The following ABCB7 variants were observed in gnomAD, a reference collection of about 807,000 sequenced individuals.
The protein encoded by ABCB7 is ATP binding cassette subfamily B member 7, also known as iron-sulfur clusters transporter ABCB7, mitochondrial.
In ABCB7, 7 loss-of-function variants were observed where a neutral mutation model predicts 54.4. That is an observed-to-expected ratio of 0.13 (90% CI 0.07 to 0.24). The LOEUF (loss-of-function observed/expected upper bound fraction) is 0.24, where lower values mean the gene tolerates loss of function less well. ABCB7 is among the 10% of genes least tolerant of loss of function. The pLI, the probability that ABCB7 is intolerant of heterozygous loss-of-function variation, is 1.00. For synonymous variants in ABCB7, 218 were observed against 207.1 expected, an observed-to-expected ratio of 1.05 and a Z score of -0.45; for missense variants, 356 against 570.4, an observed-to-expected ratio of 0.62 and a Z score of 3.83.
intron 9 of ABCB7, 33 bp from the exon 10 acceptor site, chrX:75,070,555 G>A: frequency 3.4e-6 from 4 of 1,177,887 alleles, no homozygotes; most frequent in Non-Finnish European, 4.6e-6. Context: ...GGGTATTTTA[G>A]ATAAATGTTA....
chrX:75,060,098 A>G, intron 15 of ABCB7, 125 bp downstream of exon 15: 1 of 567,199 alleles, frequency 1.8e-6, no homozygotes, highest in Non-Finnish European at 2.9e-6. Flanking sequence ...AAAAGGGGCT[A>G]AAAACAGAAT....
chrX:75,060,171 T>C (rs1226433427), intron 15 of ABCB7, 52 bp downstream of exon 15: 15 of 985,237 alleles, frequency 1.5e-5, no homozygotes, highest in Non-Finnish European at 2.0e-5. Flanking sequence ...CTTGTATCTA[T>C]AACAATTTCC....
chrX:75,088,854 A>G (rs2147489952), intron 4 of ABCB7, among the ~76,000 whole-genome samples: 1 of 109,641 alleles, frequency 9.1e-6, no homozygotes, highest in Non-Finnish European at 1.9e-5. Context: ...AACAAAAAAA[A>G]AAACACAACA....
intron 12 of ABCB7, among the ~76,000 whole-genome samples, chrX:75,068,207 A>G (rs2081337465): frequency 9.0e-6 from 1 of 110,820 alleles, no homozygotes; most frequent in Non-Finnish European, 1.9e-5. Context: ...CAAGCTACAT[A>G]TCCCCATCCA....
chrX:75,070,298 C>G, intron 10 of ABCB7, 67 bp downstream of exon 10: 2 of 1,057,404 alleles, frequency 1.9e-6, no homozygotes, highest in Non-Finnish European at 2.6e-6. Context: ...AGGAATATTC[C>G]TAGAATAATC....
intron 1 of ABCB7, among the ~76,000 whole-genome samples, chrX:75,124,471 A>T (rs1413726686): frequency 8.9e-6 from 1 of 112,210 alleles, no homozygotes; most frequent in Non-Finnish European, 1.9e-5. Context: ...ACACTGCTTC[A>T]TAAGTTTTAG....
At chrX:75,143,706 T>A (rs956311864) in intron 1 of ABCB7, among the ~76,000 whole-genome samples, 4 of 111,036 alleles carry the variant, frequency 3.6e-5, no homozygotes, top group Non-Finnish European at 5.7e-5. Flanking sequence ...GCAAGACACG[T>A]CTCACATTGA....
chrX:75,072,367 G>C lies in ABCB7; in HGVS notation c.1033-684C>G, dbSNP rs1178764751. Among the ~76,000 whole-genome samples the C allele has an allele frequency of 1.8e-4, 20 of 111,362 alleles. No individual in the cohort carries two copies. The Admixed American group carries it at 1.9e-3, about 11-fold the overall frequency. ...AGAAATGCATACTTTAGGTAATTTT[G>C]ACTGTGCAATCATCATAGAGTGTAC... is the stretch of plus-strand genomic sequence containing the variant. On this transcript the variant is annotated intron_variant, in intron 8 of 15. Coordinates refer to ENST00000373394, the MANE Select transcript of ABCB7 (RefSeq NM_001271696.3).
chrX:75,104,382 A>G (rs924717737), intron 3 of ABCB7, among the ~76,000 whole-genome samples: 1 of 109,478 alleles, frequency 9.1e-6, no homozygotes, highest in Non-Finnish European at 1.9e-5. Flanking sequence ...TACCACAGAA[A>G]TACAAAATAT....
intron 13 of ABCB7, among the ~76,000 whole-genome samples, chrX:75,063,979 C>T (rs1032970574): frequency 1.8e-5 from 2 of 111,100 alleles, no homozygotes; most frequent in East Asian, 5.6e-4. Flanking sequence ...AATTAGGGAT[C>T]GCCAGAATTA....
intron 1 of ABCB7, among the ~76,000 whole-genome samples, chrX:75,140,131 C>G (rs935426609): frequency 8.1e-5 from 9 of 111,750 alleles, no homozygotes; most frequent in Non-Finnish European, 1.7e-4. Context: ...TAAAGGAGAT[C>G]TTGACAAAAC....
rs140436983 is a variant in ABCB7, at chrX:75,132,510, C to T, written c.169-17679G>A. On this transcript the variant is annotated intron_variant, in intron 1 of 15. Transcript: ENST00000373394. Reference sequence around the variant, plus strand: ...CTCCAGCTGAAGAGGGAACAAAAAGCCTGAGCTCACCCCAGACTTGTGGAG... The same window carrying T: ...CTCCAGCTGAAGAGGGAACAAAAAGTCTGAGCTCACCCCAGACTTGTGGAG... Among the ~76,000 whole-genome samples the T allele has an allele frequency of 4.1e-3, 467 of 112,758 alleles. 3 individuals carry two copies. Among genetic ancestry groups the T allele is most frequent in the African/African-American group, 0.014 (440 of 31,076 alleles).
chrX:75,058,346 T>TA (rs1219840503), intron 15 of ABCB7, among the ~76,000 whole-genome samples: 1 of 111,748 alleles, frequency 8.9e-6, no homozygotes, highest in East Asian at 2.8e-4. Context: ...TCTTTGTCCT[T>TA]ACGGCTGTAT....
At chrX:75,074,234 A>G (rs1015470571) in intron 6 of ABCB7, among the ~76,000 whole-genome samples, 2 of 111,800 alleles carry the variant, frequency 1.8e-5, no homozygotes, top group African/African-American at 6.5e-5. Flanking sequence ...AAATATATAC[A>G]TATATTTTTA....
At chrX:75,104,005 T>A (rs766554022) in intron 3 of ABCB7, among the ~76,000 whole-genome samples, 17 of 101,141 alleles carry the variant, frequency 1.7e-4, no homozygotes, top group African/African-American at 6.0e-4. Context: ...CAGTACCATG[T>A]TGAATACGAG....
intron 1 of ABCB7, among the ~76,000 whole-genome samples, chrX:75,121,181 C>G (rs1343588759): frequency 9.2e-6 from 1 of 108,436 alleles, no homozygotes; most frequent in Admixed American, 9.9e-5. Context: ...CCCAGCTACT[C>G]TGGTGGCTGA....
chrX:75,096,942 A>T lies in ABCB7; in HGVS notation c.453+2000T>A, dbSNP rs116366825. On this transcript the variant is annotated intron_variant, in intron 4 of 15. Transcript: ENST00000373394. Reference sequence around the variant, plus strand: ...TACTTCTTATCTAGACTATCATATGAGCCTTATAACTGGTCAGTAAACATT... The same window carrying T: ...TACTTCTTATCTAGACTATCATATGTGCCTTATAACTGGTCAGTAAACATT... Among the ~76,000 whole-genome samples, 504 of 111,393 alleles carry T rather than the reference A, an allele frequency of 4.5e-3. 2 individuals carry two copies. The highest frequency in any genetic ancestry group is 0.016 in the African/African-American group (485 of 30,641).
At chrX:75,080,118 A>G (rs2081443764) in intron 4 of ABCB7, among the ~76,000 whole-genome samples, 1 of 112,166 alleles carries the variant, frequency 8.9e-6, no homozygotes, top group African/African-American at 3.2e-5. Context: ...AGTCACCCCG[A>G]AGGACATTTT....
chrX:75,080,191 T>C (rs144783825), intron 4 of ABCB7, among the ~76,000 whole-genome samples: 285 of 112,366 alleles, frequency 2.5e-3, no homozygotes, highest in South Asian at 0.014. Context: ...TACAGATGGA[T>C]ATAAGTTTCC....
Sources: allele counts gnomAD v4.1 joint callset (sites outside exome capture counted in the v4.1 genomes callset), GRCh38; gene constraint gnomAD v4.1.1; transcripts MANE v1.5; gene names NCBI Gene and HGNC (gene_info 2026-07-23, HGNC 2026-07-21).